Variants in CCSER1 observed in about 807,000 individuals in gnomAD.
CCSER1 encodes serine-rich coiled-coil domain-containing protein 1.
Under a neutral mutation model 82.0 loss-of-function variants are expected in CCSER1, and 41 were observed. That is an observed-to-expected ratio of 0.50 (90% CI 0.39 to 0.65). CCSER1 has a LOEUF of 0.65. Ranked by LOEUF, CCSER1 falls within the 30% of genes least tolerant of loss-of-function variation. The probability of loss-of-function intolerance (pLI) is 0.00; values close to 1 mark genes in which losing one functional copy is unlikely to be tolerated. For synonymous variants in CCSER1, 414 were observed against 383.9 expected (o/e 1.08, Z -0.92); for missense variants, 1,119 against 1,064.2 (o/e 1.05, Z -0.72).
chr4:91,325,216 T>C lies in CCSER1; in HGVS notation c.2217+239222T>C, dbSNP rs185335662. On this transcript the variant is annotated intron_variant, in intron 10 of 10. Transcript: ENST00000509176. ...AGGTGGCTCTTGCCATTATTGTAAT[T>C]AGATATGGCTGTTGCACATCTAAGC... 2.1e-3 allele frequency: 961 copies of C among 455,862 alleles called. 6 individuals are homozygous for C. The highest frequency in any genetic ancestry group is 0.016 in the African/African-American group (789 of 50,164). 28.2% of individuals were successfully genotyped at this position (455,862 alleles called of 1,614,324 possible).
chr4:90,782,096 G>A (rs1753853784), intron 7 of CCSER1: 5 of 448,564 alleles, frequency 1.1e-5, no homozygotes, highest in Non-Finnish European at 1.5e-5. Context: ...AATTGCCCAG[G>A]ATAAGAAAAA....
At chr4:90,497,821 A>G (rs1044604583) in intron 5 of CCSER1, among the ~76,000 whole-genome samples, 2 of 152,172 alleles carry the variant, frequency 1.3e-5, no homozygotes, top group Non-Finnish European at 2.9e-5. Context: ...ACTTGGCTTT[A>G]TCTAAAGGTG....
At chr4:90,972,930 A>T (rs1735256517) in intron 9 of CCSER1, among the ~76,000 whole-genome samples, 1 of 151,846 alleles carries the variant, frequency 6.6e-6, no homozygotes, top group Admixed American at 6.6e-5. Context: ...AGTCTCTTCA[A>T]TAAATAATGT....
At chr4:90,490,035 C>T (rs1767730927) in intron 5 of CCSER1, among the ~76,000 whole-genome samples, 1 of 152,028 alleles carries the variant, frequency 6.6e-6, no homozygotes, top group Non-Finnish European at 1.5e-5. Context: ...GGGTATATAC[C>T]CAGTAATTGG....
intron 7 of CCSER1, among the ~76,000 whole-genome samples, chr4:90,769,027 A>G (rs577288467): frequency 5.3e-5 from 8 of 152,308 alleles, no homozygotes; most frequent in East Asian, 1.9e-4. Flanking sequence ...AAGTGAGGGT[A>G]TACATAAAAT....
intron 8 of CCSER1, 111 bp downstream of exon 8, chr4:90,815,956 T>C: frequency 1.6e-6 from 1 of 619,104 alleles, no homozygotes; most frequent in Admixed American, 2.8e-5. Context: ...ATCCTTCCAG[T>C]GGTTCAATCC....
intron 7 of CCSER1, among the ~76,000 whole-genome samples, chr4:90,779,985 C>A (rs1424523087): frequency 6.6e-6 from 1 of 152,146 alleles, no homozygotes; most frequent in Non-Finnish European, 1.5e-5. Flanking sequence ...TTAAATAATT[C>A]TTGTGCTGCT....
chr4:90,872,440 C>G (rs192081039), intron 8 of CCSER1, among the ~76,000 whole-genome samples: 26 of 152,026 alleles, frequency 1.7e-4, no homozygotes, highest in Middle Eastern at 6.8e-3. Flanking sequence ...CTGTTCAAAA[C>G]TTAACACTGA....
At chr4:90,196,271 T>A (rs554645464) in intron 1 of CCSER1, among the ~76,000 whole-genome samples, 1 of 152,156 alleles carries the variant, frequency 6.6e-6, no homozygotes, top group African/African-American at 2.4e-5. Context: ...GAGAAAAAAT[T>A]AGCTATTTGT....
chr4:91,546,101 G>A (rs1340956630), intron 10 of CCSER1, among the ~76,000 whole-genome samples: 1 of 152,076 alleles, frequency 6.6e-6, no homozygotes, highest in African/African-American at 2.4e-5. Context: ...AATATGAAAA[G>A]TTGAACAAAT....
chr4:91,216,935 G>C (rs933349998), intron 10 of CCSER1, among the ~76,000 whole-genome samples: 2 of 152,102 alleles, frequency 1.3e-5, no homozygotes, highest in Admixed American at 6.5e-5. Flanking sequence ...CAAGATTTAG[G>C]GGGTATTGTG....
intron 9 of CCSER1, among the ~76,000 whole-genome samples, chr4:90,966,358 A>G (rs1376187001): frequency 6.6e-6 from 1 of 152,082 alleles, no homozygotes; most frequent in Non-Finnish European, 1.5e-5. Flanking sequence ...GCAAGAGAAG[A>G]GCCACTCATC....
chr4:90,434,667 G>T (rs1758768089), intron 4 of CCSER1, among the ~76,000 whole-genome samples: 2 of 152,136 alleles, frequency 1.3e-5, no homozygotes, highest in Admixed American at 1.3e-4. Flanking sequence ...AAGCAGTTTG[G>T]TGTGATGAGA....
chr4:90,659,960 T>C (rs1264413229), intron 6 of CCSER1, among the ~76,000 whole-genome samples: 1 of 151,872 alleles, frequency 6.6e-6, no homozygotes, highest in Non-Finnish European at 1.5e-5. Flanking sequence ...CACTTTTTAG[T>C]GAGGTTTTTT....
intron 10 of CCSER1, among the ~76,000 whole-genome samples, chr4:91,410,500 T>C (rs573899928): frequency 4.6e-5 from 7 of 152,320 alleles, no homozygotes; most frequent in Admixed American, 3.3e-4. Flanking sequence ...TATACCTTTA[T>C]GTTCTGGTTG....
chr4:91,249,979 C>T (rs1740128921), intron 10 of CCSER1, among the ~76,000 whole-genome samples: 2 of 151,586 alleles, frequency 1.3e-5, no homozygotes, highest in Admixed American at 1.3e-4. Context: ...TCTCAGAATG[C>T]AAGATGTTCA....
At chr4:90,241,207 G>A (rs901188183) in intron 1 of CCSER1, among the ~76,000 whole-genome samples, 1 of 152,086 alleles carries the variant, frequency 6.6e-6, no homozygotes, top group Non-Finnish European at 1.5e-5. Flanking sequence ...CCACTATTGT[G>A]GTTTAGGTGA....
chr4:91,115,859 A>ATTT (rs371115368), intron 10 of CCSER1, among the ~76,000 whole-genome samples: 3 of 102,264 alleles, frequency 2.9e-5, no homozygotes, highest in African/African-American at 9.5e-5. Flanking sequence ...ATATATATAT[A>ATTT]TTTTTTTTTA....
chr4:90,326,393 A>G (rs1250125303), intron 3 of CCSER1, among the ~76,000 whole-genome samples: 1 of 152,008 alleles, frequency 6.6e-6, no homozygotes, highest in Non-Finnish European at 1.5e-5. Flanking sequence ...CCGTTTCTAA[A>G]TTAGAGTAGC....
Sources: allele counts gnomAD v4.1 joint callset (sites outside exome capture counted in the v4.1 genomes callset), GRCh38; gene constraint gnomAD v4.1.1; transcripts MANE v1.5; gene names NCBI Gene and HGNC (gene_info 2026-07-23, HGNC 2026-07-21).